Variants in ATP6V1E1 observed in about 807,000 individuals in gnomAD.
ATP6V1E1 encodes the protein V-type proton ATPase subunit E 1.
ATP6V1E1 carries 21 observed loss-of-function variants against 35.2 expected under a neutral mutation model. That is an observed-to-expected ratio of 0.60 (90% confidence interval 0.42 to 0.86). The LOEUF (loss-of-function observed/expected upper bound fraction) is 0.86, where lower values mean the gene tolerates loss of function less well. Ranked by LOEUF, ATP6V1E1 falls within the 40% of genes least tolerant of loss-of-function variation. ATP6V1E1 has a pLI of 0.00. For synonymous variants in ATP6V1E1, 83 were observed against 87.8 expected, an observed-to-expected ratio of 0.95 and a Z score of 0.30; for missense variants, 183 against 272.6, an observed-to-expected ratio of 0.67 and a Z score of 2.32.
At chr22:17,613,085 A>T in intron 3 of ATP6V1E1, 126 bp downstream of exon 3, 1 of 905,116 alleles carries the variant, frequency 1.1e-6, no homozygotes. Context: ...GAGAAGTTAA[A>T]CAATTTGTCA....
chr22:17,626,307 C>CAAAAAAA (rs928655426), intron 1 of ATP6V1E1, among the ~76,000 whole-genome samples: 2 of 61,974 alleles, frequency 3.2e-5, no homozygotes, highest in African/African-American at 5.1e-5. Flanking sequence ...GACTTCGTCT[C>CAAAAAAA]AAAAAAAAAA....
At chr22:17,599,674 C>A (rs1294358767) in intron 6 of ATP6V1E1, among the ~76,000 whole-genome samples, 3 of 150,818 alleles carry the variant, frequency 2.0e-5, no homozygotes, top group Admixed American at 6.6e-5. Flanking sequence ...AATCCCAGCA[C>A]TTTGGGAGGA....
At chr22:17,599,736 A>G (rs1008208029) in intron 6 of ATP6V1E1, among the ~76,000 whole-genome samples, 4 of 151,642 alleles carry the variant, frequency 2.6e-5, no homozygotes, top group African/African-American at 9.7e-5. Context: ...CCTGGCCAAC[A>G]TGGTGAAACC....
At chr22:17,624,799 C>T (rs772097587) in intron 1 of ATP6V1E1, among the ~76,000 whole-genome samples, 8 of 151,452 alleles carry the variant, frequency 5.3e-5, no homozygotes, top group South Asian at 4.2e-4. Flanking sequence ...CCAGCCTAGG[C>T]GACAAAGCAA....
chr22:17,598,420 A>G, intron 6 of ATP6V1E1, 132 bp from the exon 7 acceptor site: 1 of 699,150 alleles, frequency 1.4e-6, no homozygotes, highest in Non-Finnish European at 2.4e-6. Context: ...GCTGGTGGGA[A>G]TGTAAAACGG....
chr22:17,598,803 C>T lies in ATP6V1E1; in HGVS notation c.436-515G>A, dbSNP rs1406317752. Among the ~76,000 whole-genome samples, 7 of 152,146 alleles carry T rather than the reference C, an allele frequency of 4.6e-5. No homozygotes were observed. In the East Asian group the frequency reaches 9.6e-4, roughly 21 times the overall value. ...ATGAAGTACACAATTACCACATGAT[C>T]CAGCAATTCTACTTCTGGGTATACA... On this transcript the variant is annotated intron_variant, in intron 6 of 8. Coordinates refer to ENST00000253413, the MANE Select transcript of ATP6V1E1 (RefSeq NM_001696.4).
In ATP6V1E1 at chr22:17,596,759, A is replaced by G. The variant is rs117988411; in HGVS notation, c.530+1435T>C. 6.6e-5 allele frequency among the ~76,000 whole-genome samples: 10 copies of G among 152,192 alleles called. No individual in the cohort carries two copies. The East Asian group carries it at 1.9e-3, about 29-fold the overall frequency. On this transcript the variant is annotated intron_variant, in intron 7 of 8. Transcript: ENST00000253413. ...TCTTATGAGTTTATATACTTTTTCC[A>G]TTTACAGAGCATTTTCACATGTACT...
At chr22:17,619,430 T>A (rs765045459) in intron 2 of ATP6V1E1, 31 bp downstream of exon 2, 3 of 1,567,108 alleles carry the variant, frequency 1.9e-6, no homozygotes, top group South Asian at 1.2e-5. Context: ...GAAACCTTGA[T>A]AACTTCTTAA....
chr22:17,626,934 C>G (rs1489303012), intron 1 of ATP6V1E1, among the ~76,000 whole-genome samples: 1 of 152,008 alleles, frequency 6.6e-6, no homozygotes, highest in African/African-American at 2.4e-5. Context: ...CTCAGCCTCC[C>G]AAAGTGCTGG....
intron 4 of ATP6V1E1, among the ~76,000 whole-genome samples, chr22:17,604,879 TG>T (rs1157905673): frequency 1.3e-5 from 2 of 152,076 alleles, no homozygotes; most frequent in Admixed American, 1.3e-4. Flanking sequence ...TCAGTACCAA[TG>T]TCTCAGAATT....
chr22:17,626,914 A>T (rs2057909513), intron 1 of ATP6V1E1, among the ~76,000 whole-genome samples: 1 of 151,854 alleles, frequency 6.6e-6, no homozygotes. Context: ...GGATCAAGCG[A>T]TCCTCCCACC....
chr22:17,607,136 C>CT (rs1235066898), intron 4 of ATP6V1E1, among the ~76,000 whole-genome samples: 1 of 151,876 alleles, frequency 6.6e-6, no homozygotes, highest in Non-Finnish European at 1.5e-5. Flanking sequence ...TTTCACCATT[C>CT]TTTACCTGTT....
chr22:17,598,390 G>C (rs2072555), intron 6 of ATP6V1E1, 102 bp from the exon 7 acceptor site: 2 of 939,540 alleles, frequency 2.1e-6, no homozygotes, highest in Admixed American at 2.1e-5. Flanking sequence ...ATTTATCCCA[G>C]GTAAAAGAAC....
At chr22:17,621,922 T>A (rs2057879707) in intron 1 of ATP6V1E1, among the ~76,000 whole-genome samples, 1 of 152,168 alleles carries the variant, frequency 6.6e-6, no homozygotes, top group Non-Finnish European at 1.5e-5. Flanking sequence ...TAGGAACTTG[T>A]TAAAGGTTCC....
chr22:17,593,626 T>C (rs1263659460), intron 8 of ATP6V1E1, among the ~76,000 whole-genome samples: 1 of 152,220 alleles, frequency 6.6e-6, no homozygotes, highest in African/African-American at 2.4e-5. Context: ...GATGGGACAG[T>C]GGCTACTAGG....
intron 1 of ATP6V1E1, among the ~76,000 whole-genome samples, chr22:17,620,801 C>T (rs71328222): frequency 0.12 from 18,816 of 152,072 alleles, 1,595 homozygotes; most frequent in Non-Finnish European, 0.18. Context: ...TGGTGGCTCA[C>T]GCCTGTAATC....
rs45547040 is a variant in ATP6V1E1 at position 17,619,732 on chromosome 22, A to G, written c.34-206T>C. Among the ~76,000 whole-genome samples the G allele has an allele frequency of 0.029, 4,370 of 152,314 alleles. 90 individuals carry two copies. Among genetic ancestry groups the G allele is most frequent in the Non-Finnish European group, 0.042 (2,876 of 68,028 alleles). ...TACCCCGTCTCTACTAAAAATTTAA[A>G]AAAGTCAATCACTTACTGAATGCAT... On this transcript the variant is annotated intron_variant, in intron 1 of 8. Coordinates refer to ENST00000253413, the MANE Select transcript of ATP6V1E1 (RefSeq NM_001696.4).
intron 5 of ATP6V1E1, 103 bp from the exon 6 acceptor site, chr22:17,600,198 G>T: frequency 9.8e-7 from 1 of 1,020,842 alleles, no homozygotes. Context: ...ACTTTGGAAG[G>T]CCAAGGCGGG....
chr22:17,598,118 A>G, intron 7 of ATP6V1E1, 76 bp downstream of exon 7: 1 of 1,165,978 alleles, frequency 8.6e-7, no homozygotes, highest in East Asian at 2.3e-5. Context: ...TGAAAATACC[A>G]TTTAAAAAAG....
Sources: allele counts gnomAD v4.1 joint callset (sites outside exome capture counted in the v4.1 genomes callset), GRCh38; gene constraint gnomAD v4.1.1; transcripts MANE v1.5; gene names NCBI Gene and HGNC (gene_info 2026-07-23, HGNC 2026-07-21).